CAST: variants seen among roughly 807,000 people sequenced by gnomAD.
The protein encoded by CAST is calpastatin, also known as MIR583 host.
Under a neutral mutation model 119.6 loss-of-function variants are expected in CAST, and 76 were observed. That is an observed-to-expected ratio of 0.64 (90% CI 0.53 to 0.77). The LOEUF (loss-of-function observed/expected upper bound fraction) is 0.77, where lower values mean the gene tolerates loss of function less well. Among genes scored for constraint, CAST ranks in the 30% least tolerant of loss-of-function variants. CAST has a pLI of 0.00. For missense variants in CAST, 953 were observed against 946.5 expected (o/e 1.01, Z -0.09); for synonymous variants, 319 against 331.6 (o/e 0.96, Z 0.41).
the CAST span, among the ~76,000 whole-genome samples, chr5:95,998,504 A>G: frequency 4.6e-5 from 7 of 152,254 alleles, no homozygotes; most frequent in Non-Finnish European, 8.8e-5. Flanking sequence ...AAGCAAGACC[A>G]TGCAGTATTT....
At chr5:96,273,794 C>G in the CAST span, among the ~76,000 whole-genome samples, 6 of 152,156 alleles carry the variant, frequency 3.9e-5, no homozygotes, top group Non-Finnish European at 5.9e-5. Context: ...TATCTCTTCA[C>G]TGGTCTGTTC....
the CAST span, among the ~76,000 whole-genome samples, chr5:96,146,140 T>C: frequency 6.6e-6 from 1 of 152,212 alleles, no homozygotes; most frequent in Non-Finnish European, 1.5e-5. Flanking sequence ...GACAAAGAAT[T>C]TGCAGTTATC....
At chr5:96,040,195 A>G in the CAST span, among the ~76,000 whole-genome samples, 1 of 152,168 alleles carries the variant, frequency 6.6e-6, no homozygotes, top group African/African-American at 2.4e-5. Flanking sequence ...GTGTATAGGA[A>G]TGCTTGTGAT....
the CAST span, chr5:96,412,343 T>A: frequency 6.2e-7 from 1 of 1,614,224 alleles, no homozygotes; most frequent in Non-Finnish European, 8.5e-7. Context: ...TTCAAAAGCC[T>A]TCTGGGCTAG....
intron 1 of CAST, among the ~76,000 whole-genome samples, chr5:96,674,823 C>T (rs1000689627): frequency 6.6e-6 from 1 of 152,096 alleles, no homozygotes; most frequent in Non-Finnish European, 1.5e-5. Context: ...TGAATGTCCT[C>T]ACCACAAGAA....
At chr5:96,709,985 C>T (rs529931676) in intron 3 of CAST, among the ~76,000 whole-genome samples, 3 of 152,040 alleles carry the variant, frequency 2.0e-5, no homozygotes, top group Non-Finnish European at 2.9e-5. Context: ...CAAGAAAGGA[C>T]GCGGGCTATA....
chr5:96,389,900 A>G, the CAST span, among the ~76,000 whole-genome samples: 1 of 152,076 alleles, frequency 6.6e-6, no homozygotes, highest in Admixed American at 6.6e-5. Context: ...ATGCCATTGC[A>G]CTGTAGTCCG....
chr5:96,098,270 A>G, the CAST span, among the ~76,000 whole-genome samples: 1 of 152,066 alleles, frequency 6.6e-6, no homozygotes, highest in African/African-American at 2.4e-5. Flanking sequence ...CCCATTCTGT[A>G]GGTTGTCTTT....
the CAST span, among the ~76,000 whole-genome samples, chr5:95,964,173 T>C: frequency 6.6e-6 from 1 of 152,178 alleles, no homozygotes; most frequent in Non-Finnish European, 1.5e-5. Context: ...CAAAGTAATA[T>C]GGTAATCTAG....
chr5:95,994,255 G>A, the CAST span, among the ~76,000 whole-genome samples: 1 of 152,228 alleles, frequency 6.6e-6, no homozygotes, highest in South Asian at 2.1e-4. Flanking sequence ...GGTGTCTAAC[G>A]AAACAATCCA....
At chr5:96,142,458 T>G in the CAST span, among the ~76,000 whole-genome samples, 2 of 152,206 alleles carry the variant, frequency 1.3e-5, no homozygotes, top group Non-Finnish European at 2.9e-5. Context: ...TTACATCGAC[T>G]AACACTTTAT....
the CAST span, among the ~76,000 whole-genome samples, chr5:96,013,293 A>C: frequency 6.6e-5 from 10 of 151,568 alleles, no homozygotes; most frequent in African/African-American, 9.7e-5. Flanking sequence ...ATACATATAT[A>C]ATGATAATAT....
At chr5:96,178,038 C>T in the CAST span, among the ~76,000 whole-genome samples, 3 of 152,178 alleles carry the variant, frequency 2.0e-5, no homozygotes, top group Non-Finnish European at 4.4e-5. Context: ...ACCAAGATCA[C>T]TAAAATATAA....
chr5:96,496,633 T>C, the CAST span, among the ~76,000 whole-genome samples: 1 of 152,224 alleles, frequency 6.6e-6, no homozygotes, highest in Non-Finnish European at 1.5e-5. Context: ...AAAGAAAACA[T>C]TGGCAAGCTT....
chr5:96,480,372 G>C, the CAST span, among the ~76,000 whole-genome samples: 27,305 of 152,100 alleles, frequency 0.18, 2,629 homozygotes, highest in Middle Eastern at 0.27. Flanking sequence ...AGGAACATAG[G>C]GTGTGTTTGG....
In CAST at chr5:96,591,840, C is replaced by T. The variant is rs1161291956; in HGVS notation, c.60+61960C>T. On this transcript the variant is annotated intron_variant, in intron 1 of 11. Coordinates refer to the CAST transcript ENST00000505143. Reference sequence around the variant, plus strand: ...ACTGTTTATAAGGATTCTGTGCTTACCAAAGACTGAACTTTGGAAAAACTT... The same window carrying T: ...ACTGTTTATAAGGATTCTGTGCTTATCAAAGACTGAACTTTGGAAAAACTT... Among the ~76,000 whole-genome samples the T allele has an allele frequency of 2.0e-5, 3 of 152,150 alleles. No homozygotes were observed. In the East Asian group the frequency reaches 5.8e-4, roughly 29 times the overall value.
chr5:96,530,805 C>A (rs1684429976), intron 1 of CAST, among the ~76,000 whole-genome samples: 2 of 152,064 alleles, frequency 1.3e-5, no homozygotes, highest in Admixed American at 6.5e-5. Context: ...TAAAAATTTT[C>A]TCTTGAGAAT....
the CAST span, among the ~76,000 whole-genome samples, chr5:96,464,124 G>C: frequency 1.3e-5 from 2 of 151,840 alleles, no homozygotes; most frequent in African/African-American, 2.4e-5. Flanking sequence ...TTTTGTTTTG[G>C]TTTGGTTTTT....
At chr5:96,574,529 T>G (rs1561420590) in intron 1 of CAST, among the ~76,000 whole-genome samples, 1 of 152,184 alleles carries the variant, frequency 6.6e-6, no homozygotes, top group Admixed American at 6.5e-5. Flanking sequence ...ATAGCAATCG[T>G]TTTTATTTTG....
Sources: gnomAD v4.1 joint callset for allele counts (sites outside exome capture counted in the v4.1 genomes callset) on GRCh38, gnomAD v4.1.1 for gene constraint, MANE v1.5 for transcripts, NCBI Gene and HGNC (gene_info 2026-07-23, HGNC 2026-07-21) for gene names.